BAIAP2L1: variants seen among roughly 807,000 people sequenced by gnomAD.
BAIAP2L1 encodes BAR/IMD domain containing adaptor protein 2 like 1.
Under a neutral mutation model 66.3 loss-of-function variants are expected in BAIAP2L1, and 35 were observed. The ratio of observed to expected loss-of-function variants is 0.53; its 90% CI spans 0.40 to 0.70. BAIAP2L1 has a LOEUF of 0.70. BAIAP2L1 is among the 30% of genes least tolerant of loss of function. The pLI, the probability that BAIAP2L1 is intolerant of heterozygous loss-of-function variation, is 0.00. For synonymous variants in BAIAP2L1, 269 were observed against 248.7 expected (o/e 1.08, Z -0.77); for missense variants, 622 against 656.9 (o/e 0.95, Z 0.58).
intron 1 of BAIAP2L1, among the ~76,000 whole-genome samples, chr7:98,368,114 G>A (rs969475815): frequency 1.3e-5 from 2 of 152,066 alleles, no homozygotes; most frequent in Non-Finnish European, 2.9e-5. Flanking sequence ...GTCATTGTGA[G>A]AATGTTATAT....
rs1799975986 is a variant in BAIAP2L1, at chr7:98,291,977, T to C, written c.*1544A>G. 1 of 152,914 alleles carries C rather than the reference T, an allele frequency of 6.5e-6. No homozygotes were observed. Among genetic ancestry groups the C allele is most frequent in the African/African-American group, 2.4e-5 (1 of 41,486 alleles). 9.5% of individuals were successfully genotyped at this position (152,914 alleles called of 1,614,324 possible). A position where few individuals can be genotyped will look rare whatever the true frequency, so the allele number is the denominator to read the frequency against. On this transcript the variant is annotated 3_prime_UTR_variant, in exon 14 of 14. Coordinates refer to ENST00000005260, the MANE Select transcript of BAIAP2L1 (RefSeq NM_018842.5). ...CATGGGGCTTGTGTGGACTGAATTC[T>C]CATGTGGCTGCAGCCCTTTCTGTAG...
intron 3 of BAIAP2L1, among the ~76,000 whole-genome samples, chr7:98,321,533 C>T (rs903529572): frequency 2.6e-5 from 4 of 152,168 alleles, no homozygotes; most frequent in South Asian, 2.1e-4. Flanking sequence ...GCAGCAATCA[C>T]GCCCCCGGGT....
intron 1 of BAIAP2L1, among the ~76,000 whole-genome samples, chr7:98,366,183 A>G (rs568482949): frequency 6.6e-6 from 1 of 152,236 alleles, no homozygotes; most frequent in South Asian, 2.1e-4. Flanking sequence ...GGGGGCCGGG[A>G]CTGGACAGTT....
At chr7:98,375,040 T>A (rs201940236) in intron 1 of BAIAP2L1, among the ~76,000 whole-genome samples, 3 of 151,964 alleles carry the variant, frequency 2.0e-5, no homozygotes, top group Non-Finnish European at 4.4e-5. Context: ...TGAGCCGAGA[T>A]TGTGCCATTG....
intron 3 of BAIAP2L1, among the ~76,000 whole-genome samples, chr7:98,332,426 A>G (rs1190908626): frequency 7.0e-6 from 1 of 142,676 alleles, no homozygotes; most frequent in Non-Finnish European, 1.5e-5. Context: ...AACATTCTAG[A>G]TATTTAATGT....
intron 9 of BAIAP2L1, chr7:98,308,586 A>G (rs1406979815): frequency 3.2e-6 from 1 of 311,548 alleles, no homozygotes; most frequent in African/African-American, 2.2e-5. Flanking sequence ...CTCTCTACCC[A>G]TGAGCACGAG....
Position 98,334,241 on chromosome 7 carries a change from T to C in BAIAP2L1, c.215-13943A>G, listed in dbSNP as rs115590204. Among the ~76,000 whole-genome samples, 1,044 of 152,254 alleles carry C rather than the reference T, an allele frequency of 6.9e-3. 15 individuals carry two copies. The highest frequency in any genetic ancestry group is 0.023 in the African/African-American group (975 of 41,542). On this transcript the variant is annotated intron_variant, in intron 3 of 13. Transcript: ENST00000005260. ...AATGGAAGCTACTAACAGCCCTGCCTTCGAGTTTAAATGCCTGAGTCACAC... is the reference window on the plus strand; with the variant it reads ...AATGGAAGCTACTAACAGCCCTGCCCTCGAGTTTAAATGCCTGAGTCACAC...
At chr7:98,293,715 T>C (rs1311628822) in intron 13 of BAIAP2L1, 119 bp from the exon 14 acceptor site, 1 of 935,760 alleles carries the variant, frequency 1.1e-6, no homozygotes, top group East Asian at 2.4e-5. Context: ...CTCCCCAGCT[T>C]GTACAGGTCC....
intron 3 of BAIAP2L1, among the ~76,000 whole-genome samples, chr7:98,332,585 G>A (rs6959506): frequency 0.4 from 60,824 of 150,242 alleles, 13,240 homozygotes; most frequent in Middle Eastern, 0.55. Flanking sequence ...CAAGGCAGGC[G>A]AATCACAACG....
chr7:98,350,180 G>A (rs758734614), intron 3 of BAIAP2L1, among the ~76,000 whole-genome samples: 4 of 152,184 alleles, frequency 2.6e-5, no homozygotes, highest in South Asian at 2.1e-4. Context: ...ATGATAAAGC[G>A]TCTGCCTTAG....
intron 3 of BAIAP2L1, among the ~76,000 whole-genome samples, chr7:98,345,086 G>A (rs1801840296): frequency 6.6e-6 from 1 of 152,130 alleles, no homozygotes; most frequent in Non-Finnish European, 1.5e-5. Flanking sequence ...GGCTGCTTGA[G>A]CCCAGGAGTT....
chr7:98,322,478 T>A (rs1801276606), intron 3 of BAIAP2L1, among the ~76,000 whole-genome samples: 2 of 152,166 alleles, frequency 1.3e-5, no homozygotes, highest in African/African-American at 4.8e-5. Flanking sequence ...GTGTAATACC[T>A]GACAATCCCT....
intron 1 of BAIAP2L1, among the ~76,000 whole-genome samples, chr7:98,379,478 C>G (rs1802709453): frequency 6.6e-6 from 1 of 151,316 alleles, no homozygotes; most frequent in South Asian, 2.1e-4. Flanking sequence ...TAACTCCAAC[C>G]AAGGTTCACA....
At position 98,293,556 on chromosome 7, in the gene BAIAP2L1, C is replaced by T; in HGVS notation, c.1501G>A (p.Val501Met). The T allele has an allele frequency of 6.2e-7, 1 of 1,613,942 alleles. No homozygotes were observed. Among genetic ancestry groups the T allele is most frequent in the Non-Finnish European group, 8.5e-7 (1 of 1,179,970 alleles). ...PFATVKLRPT[V>M]TNDRSAPIIR Reference sequence around the variant, plus strand: ...ATGGGTGCCGAGCGATCATTCGTCACAGTCGGGCGGAGTTTCACAGTGGCA... The same window carrying T: ...ATGGGTGCCGAGCGATCATTCGTCATAGTCGGGCGGAGTTTCACAGTGGCA... Residue 501 changes from valine to methionine, a missense_variant, in exon 14 of 14, where the codon GTG (valine) becomes ATG (methionine). Physicochemically the swap from Val to Met is conservative, Grantham distance 21. Coordinates refer to ENST00000005260, the MANE Select transcript of BAIAP2L1 (RefSeq NM_018842.5).
intron 3 of BAIAP2L1, among the ~76,000 whole-genome samples, chr7:98,340,866 C>T (rs1403652537): frequency 6.7e-6 from 1 of 149,882 alleles, no homozygotes; most frequent in Non-Finnish European, 1.5e-5. Flanking sequence ...GTGACCTCAG[C>T]TCACCTCCGC....
intron 3 of BAIAP2L1, among the ~76,000 whole-genome samples, chr7:98,354,742 A>G (rs999609919): frequency 2.0e-5 from 3 of 152,170 alleles, no homozygotes; most frequent in Non-Finnish European, 4.4e-5. Context: ...CGGCTCGCCC[A>G]TCAGGAATGT....
At chr7:98,341,779 C>G (rs768699611) in intron 3 of BAIAP2L1, among the ~76,000 whole-genome samples, 34 of 152,230 alleles carry the variant, frequency 2.2e-4, no homozygotes, top group Non-Finnish European at 3.8e-4. Flanking sequence ...AGAACTGTGC[C>G]TGGCATATAG....
intron 1 of BAIAP2L1, among the ~76,000 whole-genome samples, chr7:98,384,437 C>T (rs1170237269): frequency 6.6e-6 from 1 of 152,090 alleles, no homozygotes; most frequent in Non-Finnish European, 1.5e-5. Context: ...GTGCTCTTGC[C>T]TGCCTAGTTA....
At chr7:98,310,970 G>A (rs1800848390) in intron 8 of BAIAP2L1, among the ~76,000 whole-genome samples, 1 of 152,116 alleles carries the variant, frequency 6.6e-6, no homozygotes, top group Non-Finnish European at 1.5e-5. Context: ...ACAGGTGTGA[G>A]CCACCATGAC....
Sources: allele counts gnomAD v4.1 joint callset (sites outside exome capture counted in the v4.1 genomes callset), GRCh38; gene constraint gnomAD v4.1.1; transcripts MANE v1.5; gene names NCBI Gene and HGNC (gene_info 2026-07-23, HGNC 2026-07-21).